IMMP2L: variants seen among roughly 807,000 people sequenced by gnomAD.
IMMP2L encodes the protein inner mitochondrial membrane peptidase subunit 2.
A neutral mutation model predicts 19.3 loss-of-function variants in IMMP2L; 18 were observed. The ratio of observed to expected loss-of-function variants is 0.93; its 90% CI spans 0.64 to 1.38. IMMP2L has a LOEUF of 1.38. IMMP2L is among the 40% of genes most tolerant of loss of function. The pLI, the probability that IMMP2L is intolerant of heterozygous loss-of-function variation, is 0.00. For missense variants in IMMP2L, 233 were observed against 218.2 expected (o/e 1.07, Z -0.43); for synonymous variants, 76 against 73.0 (o/e 1.04, Z -0.21).
At chr7:111,149,314 T>G (rs777785748) in intron 3 of IMMP2L, among the ~76,000 whole-genome samples, 1 of 152,126 alleles carries the variant, frequency 6.6e-6, no homozygotes, top group Admixed American at 6.6e-5. Flanking sequence ...ATATTGAAGA[T>G]GCATGTAAAA....
chr7:111,252,875 A>T (rs991236301), intron 3 of IMMP2L, among the ~76,000 whole-genome samples: 1 of 152,150 alleles, frequency 6.6e-6, no homozygotes, highest in Admixed American at 6.6e-5. Context: ...TAAAAGTTAC[A>T]TGGTTCCAAA....
chr7:110,671,291 C>T (rs1377720818), intron 5 of IMMP2L, among the ~76,000 whole-genome samples: 1 of 152,166 alleles, frequency 6.6e-6, no homozygotes, highest in African/African-American at 2.4e-5. Context: ...GTTAAAATTA[C>T]ATATATGCTA....
intron 5 of IMMP2L, among the ~76,000 whole-genome samples, chr7:110,876,877 T>C (rs62464044): frequency 6.6e-6 from 1 of 152,162 alleles, no homozygotes; most frequent in Non-Finnish European, 1.5e-5. Context: ...TTTTAGTCCC[T>C]TCTAGATAAT....
At chr7:111,513,793 C>G (rs1845653062) in intron 2 of IMMP2L, among the ~76,000 whole-genome samples, 2 of 151,950 alleles carry the variant, frequency 1.3e-5, no homozygotes, top group South Asian at 4.1e-4. Flanking sequence ...GGATATTCTT[C>G]TGCAGGTGTA....
At chr7:111,529,274 T>A (rs1047312697) in intron 1 of IMMP2L, among the ~76,000 whole-genome samples, 1 of 151,974 alleles carries the variant, frequency 6.6e-6, no homozygotes, top group Non-Finnish European at 1.5e-5. Context: ...ATGTGAAAAA[T>A]CAGGAGACAT....
At chr7:111,107,142 G>A (rs1586310221) in intron 3 of IMMP2L, among the ~76,000 whole-genome samples, 1 of 148,088 alleles carries the variant, frequency 6.8e-6, no homozygotes, top group African/African-American at 2.5e-5. Flanking sequence ...AAGATAGGTG[G>A]GAGAGATTCA....
At chr7:110,989,386 T>A (rs1822210372) in intron 3 of IMMP2L, among the ~76,000 whole-genome samples, 1 of 151,566 alleles carries the variant, frequency 6.6e-6, no homozygotes. Flanking sequence ...AAAAATTTTT[T>A]AAAAATGAAA....
intron 5 of IMMP2L, among the ~76,000 whole-genome samples, chr7:110,694,979 T>C (rs1793778857): frequency 6.6e-6 from 1 of 151,996 alleles, no homozygotes; most frequent in Admixed American, 6.6e-5. Flanking sequence ...ATATATTGTA[T>C]GATTCCATTG....
intron 2 of IMMP2L, among the ~76,000 whole-genome samples, chr7:111,490,186 C>T (rs893676788): frequency 6.6e-6 from 1 of 150,410 alleles, no homozygotes; most frequent in African/African-American, 2.4e-5. Context: ...TAGCCTTGAA[C>T]TCCTGGGCTC....
intron 3 of IMMP2L, among the ~76,000 whole-genome samples, chr7:111,322,289 G>T (rs922270319): frequency 6.6e-6 from 1 of 151,910 alleles, no homozygotes; most frequent in Non-Finnish European, 1.5e-5. Flanking sequence ...CAGATAAATA[G>T]ATTCTCAATA....
intron 3 of IMMP2L, among the ~76,000 whole-genome samples, chr7:110,980,240 T>C (rs1051161280): frequency 7.0e-6 from 1 of 143,740 alleles, no homozygotes; most frequent in African/African-American, 2.6e-5. Flanking sequence ...TTTTTTTTTT[T>C]TTTTTTTTTA....
intron 1 of IMMP2L, among the ~76,000 whole-genome samples, chr7:111,559,553 T>C (rs1160406205): frequency 6.6e-6 from 1 of 152,156 alleles, no homozygotes; most frequent in Non-Finnish European, 1.5e-5. Context: ...GTGTCAGTCC[T>C]CGTCCCAGAA....
At chr7:111,266,063 A>G (rs1243575279) in intron 3 of IMMP2L, among the ~76,000 whole-genome samples, 1 of 152,168 alleles carries the variant, frequency 6.6e-6, no homozygotes, top group African/African-American at 2.4e-5. Context: ...TACTTTAAAC[A>G]TGTTTAAACA....
At chr7:111,501,092 G>A (rs964031524) in intron 2 of IMMP2L, among the ~76,000 whole-genome samples, 138 of 152,176 alleles carry the variant, frequency 9.1e-4, no homozygotes, top group Non-Finnish European at 1.1e-3. Context: ...TTAGACGAAT[G>A]GATACCTAGA....
In IMMP2L at chr7:110,984,706, C is replaced by A. The variant is rs952531717; in HGVS notation, c.240-21141G>T. 2.6e-5 allele frequency among the ~76,000 whole-genome samples: 4 copies of A among 152,084 alleles called. No homozygotes were observed. The East Asian group carries it at 7.7e-4, about 29-fold the overall frequency. ...TCTAATATTTTCTTCTTAGTCGGGG[C>A]TTAACCTAATTTTAGTAAAAACACT... On this transcript the variant is annotated intron_variant, in intron 3 of 5. Transcript: ENST00000405709.
chr7:111,054,697 C>T (rs1269027263), intron 3 of IMMP2L, among the ~76,000 whole-genome samples: 3 of 152,208 alleles, frequency 2.0e-5, no homozygotes, highest in African/African-American at 4.8e-5. Context: ...ACTCTGCCAG[C>T]ACCTCCCTCT....
In IMMP2L at chr7:110,760,814, C is replaced by T. The variant is rs950663989; in HGVS notation, c.409-97093G>A. On this transcript the variant is annotated intron_variant, in intron 5 of 5. Transcript: ENST00000405709. This position sits in a 1 kb window ranked among gnomAD's most constrained non-coding sequence, Gnocchi z 4.2. ...CCTATTTCTTACTACAAGTGTAGAA[C>T]GCCAGATAGGATCATCACAGTAGGC... Among the ~76,000 whole-genome samples, 7 of 152,072 alleles carry T rather than the reference C, an allele frequency of 4.6e-5. No homozygotes were observed. The highest frequency in any genetic ancestry group is 7.2e-5 in the African/African-American group (3 of 41,424).
chr7:111,000,478 G>A (rs1302082167), intron 3 of IMMP2L, among the ~76,000 whole-genome samples: 2 of 152,072 alleles, frequency 1.3e-5, no homozygotes, highest in African/African-American at 4.8e-5. Context: ...GGGTGATGGG[G>A]GGACTTCATT....
At position 111,231,223 on chromosome 7, in the gene IMMP2L, TATG is replaced by T. The variant is rs1274391642; in HGVS notation, c.239+256012_239+256014del. ...TTCTCAAATGCAGGAGGTAAATTAT[TATG>T]ATATTTTACACCATCATCTATTTGC... On this transcript the variant is annotated intron_variant, in intron 3 of 5. Transcript: ENST00000405709. Among the ~76,000 whole-genome samples, 7 of 152,144 alleles carry T rather than the reference TATG, an allele frequency of 4.6e-5. No individual in the cohort carries two copies. In the South Asian group the frequency reaches 8.3e-4, roughly 18 times the overall value.
Sources: gnomAD v4.1 joint callset for allele counts (sites outside exome capture counted in the v4.1 genomes callset) on GRCh38, gnomAD v4.1.1 for gene constraint, Gnocchi (gnomAD v3.1) non-coding constraint, MANE v1.5 for transcripts, NCBI Gene and HGNC (gene_info 2026-07-23, HGNC 2026-07-21) for gene names.